Variants in CLEC16A observed in about 807,000 individuals in gnomAD.
The protein encoded by CLEC16A is protein CLEC16A.
Under a neutral mutation model 109.5 loss-of-function variants are expected in CLEC16A, and 51 were observed. The observed-to-expected ratio is 0.47, with a 90% CI of 0.37 to 0.59. CLEC16A has a LOEUF of 0.59. CLEC16A is among the 20% of genes least tolerant of loss of function. CLEC16A has a pLI of 0.00. For synonymous variants in CLEC16A, 673 were observed against 564.2 expected, an observed-to-expected ratio of 1.19 and a Z score of -2.73; for missense variants, 1,339 against 1,394.0, an observed-to-expected ratio of 0.96 and a Z score of 0.63.
intron 22 of CLEC16A, among the ~76,000 whole-genome samples, chr16:11,139,272 G>A (rs1430543090): frequency 4.6e-5 from 7 of 152,186 alleles, no homozygotes; most frequent in Non-Finnish European, 7.3e-5. Context: ...TGGCATGATG[G>A]AGACACCAGT....
chr16:10,989,488 G>T (rs191203004), intron 10 of CLEC16A, among the ~76,000 whole-genome samples: 1 of 152,116 alleles, frequency 6.6e-6, no homozygotes, highest in Non-Finnish European at 1.5e-5. Context: ...ACCCACCTTG[G>T]CCTCGCAAAG....
chr16:11,103,533 A>C (rs12924667), intron 19 of CLEC16A, among the ~76,000 whole-genome samples: 5 of 151,952 alleles, frequency 3.3e-5, no homozygotes, highest in Non-Finnish European at 7.4e-5. Flanking sequence ...TAAGCCAGGA[A>C]TGCGCCATTG....
chr16:11,138,418 A>C (rs2053669697), intron 22 of CLEC16A, among the ~76,000 whole-genome samples: 1 of 152,254 alleles, frequency 6.6e-6, no homozygotes, highest in African/African-American at 2.4e-5. Flanking sequence ...TCCTAGAAGC[A>C]GCAGGAAGCC....
At chr16:10,946,599 G>A (rs1034601548) in intron 1 of CLEC16A, among the ~76,000 whole-genome samples, 2 of 152,122 alleles carry the variant, frequency 1.3e-5, no homozygotes, top group African/African-American at 4.8e-5. Flanking sequence ...GGTGGCTGAG[G>A]AGGGGAGGGG....
intron 22 of CLEC16A, among the ~76,000 whole-genome samples, chr16:11,148,807 G>A (rs549942061): frequency 4.6e-5 from 7 of 152,274 alleles, no homozygotes; most frequent in African/African-American, 1.4e-4. Context: ...CGAGCACAGC[G>A]ATGCACCAGA....
chr16:11,005,551 A>G (rs1172817326), intron 11 of CLEC16A, among the ~76,000 whole-genome samples: 1 of 152,160 alleles, frequency 6.6e-6, no homozygotes, highest in Non-Finnish European at 1.5e-5. Context: ...TGGATCTGTC[A>G]TTTTGTCACT....
Position 11,023,612 on chromosome 16 carries a change from C to CTT in CLEC16A, c.1437-1199_1437-1198dup, listed in dbSNP as rs5815608. Among the ~76,000 whole-genome samples, 178 of 148,018 alleles carry CTT rather than the reference C, an allele frequency of 1.2e-3. 3 individuals are homozygous for CTT. The highest frequency in any genetic ancestry group is 3.6e-3 in the East Asian group (18 of 5,064). On this transcript the variant is annotated intron_variant, in intron 12 of 23. Coordinates refer to ENST00000409790, the MANE Select transcript of CLEC16A (RefSeq NM_015226.3). The stretch of plus-strand genomic sequence containing the variant: ...TGTTATGACAAGTACATTTTTCCTA[C>CTT]TTTTTTTTTTTGCATTTTTCAATGA...
At chr16:11,105,874 T>C (rs1468055616) in intron 19 of CLEC16A, among the ~76,000 whole-genome samples, 1 of 152,206 alleles carries the variant, frequency 6.6e-6, no homozygotes, top group African/African-American at 2.4e-5. Flanking sequence ...TGAGCATTGA[T>C]ACAGTGTCCT....
intron 18 of CLEC16A, among the ~76,000 whole-genome samples, chr16:11,052,782 G>A (rs1443916908): frequency 1.3e-5 from 2 of 152,170 alleles, no homozygotes; most frequent in African/African-American, 2.4e-5. Flanking sequence ...ACAGCATCCT[G>A]TGCCAAGAAG....
chr16:11,142,303 G>T (rs995904391), intron 22 of CLEC16A, among the ~76,000 whole-genome samples: 1 of 152,218 alleles, frequency 6.6e-6, no homozygotes, highest in African/African-American at 2.4e-5. Context: ...TGCCCTGGGG[G>T]AGCTGTAGTT....
At chr16:11,117,154 C>T (rs761777294) in intron 19 of CLEC16A, among the ~76,000 whole-genome samples, 11 of 152,092 alleles carry the variant, frequency 7.2e-5, no homozygotes, top group East Asian at 1.9e-4. Context: ...AAGATGGCAG[C>T]GATAGACACT....
chr16:10,985,282 C>G (rs1026535750), intron 10 of CLEC16A, among the ~76,000 whole-genome samples: 1 of 150,700 alleles, frequency 6.6e-6, no homozygotes, highest in African/African-American at 2.4e-5. Context: ...CCACCAGACT[C>G]ATTTGGTTTG....
At chr16:11,097,555 C>G (rs1309388364) in intron 19 of CLEC16A, among the ~76,000 whole-genome samples, 1 of 152,160 alleles carries the variant, frequency 6.6e-6, no homozygotes, top group African/African-American at 2.4e-5. Flanking sequence ...AGCACCGACA[C>G]AGAACTGAGT....
chr16:11,134,079 C>G (rs2053411650), intron 22 of CLEC16A, among the ~76,000 whole-genome samples: 1 of 152,090 alleles, frequency 6.6e-6, no homozygotes, highest in South Asian at 2.1e-4. Flanking sequence ...AGTGGCCTAC[C>G]CAAGGTCACA....
intron 19 of CLEC16A, among the ~76,000 whole-genome samples, chr16:11,063,698 G>A (rs1209242767): frequency 6.6e-6 from 1 of 152,168 alleles, no homozygotes; most frequent in African/African-American, 2.4e-5. Flanking sequence ...AGGTCTCTCG[G>A]CTGGGTGTGA....
chr16:11,022,642 G>A (rs921019335), intron 12 of CLEC16A, among the ~76,000 whole-genome samples: 1 of 152,082 alleles, frequency 6.6e-6, no homozygotes, highest in South Asian at 2.1e-4. Flanking sequence ...GCTCATGCCT[G>A]TAATCGCAGC....
intron 23 of CLEC16A, among the ~76,000 whole-genome samples, chr16:11,171,990 A>T (rs183120486): frequency 2.6e-5 from 4 of 151,902 alleles, no homozygotes; most frequent in Admixed American, 6.6e-5. Flanking sequence ...AATCACACAC[A>T]TACCAGGGCA....
intron 22 of CLEC16A, chr16:11,156,977 A>C (rs2054556397): frequency 1.2e-6 from 1 of 821,240 alleles, no homozygotes; most frequent in Non-Finnish European, 1.6e-6. Flanking sequence ...GGCAGCCCTC[A>C]CAGGCAGACC....
chr16:11,056,889 A>G (rs2048240075), intron 18 of CLEC16A: 1 of 152,160 alleles, frequency 6.6e-6, no homozygotes, highest in Non-Finnish European at 1.5e-5. Context: ...TTTTCGTCGT[A>G]GCACAAGAAG....
Sources: gnomAD v4.1 joint callset for allele counts (sites outside exome capture counted in the v4.1 genomes callset) on GRCh38, gnomAD v4.1.1 for gene constraint, MANE v1.5 for transcripts, NCBI Gene and HGNC (gene_info 2026-07-23, HGNC 2026-07-21) for gene names.